Variants in TNIK observed in about 807,000 individuals in gnomAD.
The protein encoded by TNIK is TRAF2 and NCK interacting kinase.
Under a neutral mutation model 191.3 loss-of-function variants are expected in TNIK, and 49 were observed. The ratio of observed to expected loss-of-function variants is 0.26; its 90% CI spans 0.20 to 0.32. The LOEUF is 0.32. TNIK is among the 10% of genes least tolerant of loss of function. The pLI is 1.00. For synonymous variants in TNIK, 594 were observed against 600.9 expected (o/e 0.99, Z 0.17); for missense variants, 1,155 against 1,702.3 (o/e 0.68, Z 5.66).
rs1266361095 is a variant in TNIK, at chr3:171,063,693, C to T, written c.*188G>A. On this transcript the variant is annotated 3_prime_UTR_variant, in exon 33 of 33. Coordinates refer to ENST00000436636, the MANE Select transcript of TNIK (RefSeq NM_015028.4). ...GGAAATTCCTGCCACCTTTTTCTCT[C>T]CTTCTCAACCAGGCTGCAACATTGA... 1 of 514,384 alleles carries T rather than the reference C, an allele frequency of 1.9e-6. No individual in the cohort carries two copies. Among genetic ancestry groups the T allele is most frequent in the Non-Finnish European group, 3.4e-6 (1 of 296,246 alleles). The allele number at this position is 514,384 out of a possible 1,614,324, so 31.9% of individuals were successfully genotyped here.
intron 2 of TNIK, among the ~76,000 whole-genome samples, chr3:171,298,340 C>T (rs10155048): frequency 0.45 from 68,853 of 151,976 alleles, 16,293 homozygotes; most frequent in Non-Finnish European, 0.51. Flanking sequence ...ACTTTTTTTG[C>T]GAATATTCAC....
At chr3:171,067,672 CAAAAAAA>C (rs750331814) in intron 30 of TNIK, among the ~76,000 whole-genome samples, 3 of 78,696 alleles carry the variant, frequency 3.8e-5, no homozygotes, top group African/African-American at 8.9e-5. Context: ...ACTCCGTATC[CAAAAAAA>C]AAAAAAAAAA....
chr3:171,160,918 A>C (rs1733904770), intron 11 of TNIK, among the ~76,000 whole-genome samples: 1 of 152,210 alleles, frequency 6.6e-6, no homozygotes, highest in Admixed American at 6.5e-5. Flanking sequence ...AAGTCCGAAA[A>C]TACCACTTAG....
intron 12 of TNIK, among the ~76,000 whole-genome samples, chr3:171,149,303 A>C (rs953889698): frequency 6.6e-6 from 1 of 152,156 alleles, no homozygotes. Context: ...CTCTAGATAC[A>C]CCAAGGATCA....
intron 23 of TNIK, among the ~76,000 whole-genome samples, chr3:171,090,474 A>G (rs1721925316): frequency 8.1e-6 from 1 of 122,912 alleles, no homozygotes; most frequent in Non-Finnish European, 1.7e-5. Context: ...TCTTTTACTC[A>G]TTACTTGTAA....
intron 12 of TNIK, among the ~76,000 whole-genome samples, chr3:171,153,859 A>C (rs1406752677): frequency 2.6e-5 from 4 of 152,076 alleles, no homozygotes; most frequent in Non-Finnish European, 1.5e-5. Flanking sequence ...ACGCTCTTTT[A>C]GCATGCCACT....
intron 1 of TNIK, among the ~76,000 whole-genome samples, chr3:171,450,125 C>A (rs1013663764): frequency 2.0e-5 from 3 of 152,038 alleles, no homozygotes; most frequent in African/African-American, 7.2e-5. Context: ...GGCCCTGGAG[C>A]CCCAGGAGTC....
chr3:171,379,715 G>A (rs9862039), intron 1 of TNIK, among the ~76,000 whole-genome samples: 59,429 of 152,120 alleles, frequency 0.39, 13,425 homozygotes, highest in East Asian at 0.9. Context: ...AGTCTTTTAA[G>A]AAGCATACAT....
chr3:171,403,641 A>G (rs1016857998), intron 1 of TNIK, among the ~76,000 whole-genome samples: 123 of 151,166 alleles, frequency 8.1e-4, no homozygotes, highest in African/African-American at 2.8e-3. Context: ...AAAGAAAAGA[A>G]AAGGGGGTGA....
chr3:171,145,951 T>A (rs1450187932), intron 12 of TNIK, among the ~76,000 whole-genome samples: 1 of 152,218 alleles, frequency 6.6e-6, no homozygotes, highest in Non-Finnish European at 1.5e-5. Flanking sequence ...AGCTAACCAC[T>A]GCATTTATGC....
chr3:171,347,948 A>T (rs1246412021), intron 2 of TNIK, among the ~76,000 whole-genome samples: 1 of 152,198 alleles, frequency 6.6e-6, no homozygotes, highest in East Asian at 1.9e-4. Context: ...CTTACAAATG[A>T]GCTTGAAACC....
Position 171,085,091 on chromosome 3 carries a change from T to G in TNIK, c.2998+27A>C, listed in dbSNP as rs976429470. 6 of 1,568,514 alleles carry G rather than the reference T, an allele frequency of 3.8e-6. No homozygotes were observed. In the African/African-American group the frequency reaches 8.1e-5, roughly 21 times the overall value. On this transcript the variant is annotated intron_variant, in intron 25 of 32. Transcript: ENST00000436636. ...ACCAGAAAGGAAGACGAAGCTGTTT[T>G]TTAAACACAGGGCCCTTCTTGCTTA...
intron 1 of TNIK, among the ~76,000 whole-genome samples, chr3:171,449,226 C>T (rs1267864661): frequency 6.6e-6 from 1 of 151,788 alleles, no homozygotes; most frequent in African/African-American, 2.4e-5. Flanking sequence ...TGTGCATGTG[C>T]CTTTACAGTA....
intron 2 of TNIK, among the ~76,000 whole-genome samples, chr3:171,359,926 A>G (rs1714721085): frequency 6.6e-6 from 1 of 152,234 alleles, no homozygotes; most frequent in South Asian, 2.1e-4. Context: ...TGGTTTAATT[A>G]CTTGAAAGTG....
chr3:171,075,930 G>A (rs1274604494), intron 28 of TNIK, among the ~76,000 whole-genome samples: 1 of 151,982 alleles, frequency 6.6e-6, no homozygotes, highest in Non-Finnish European at 1.5e-5. Flanking sequence ...TAGAGACAGG[G>A]TTTCACTATG....
rs1195398558 is a variant in TNIK, at chr3:171,312,776, T to C, written c.123+56844A>G. Among the ~76,000 whole-genome samples, 12 of 152,330 alleles carry C rather than the reference T, an allele frequency of 7.9e-5. No individual in the cohort carries two copies. In the East Asian group the frequency reaches 1.9e-3, roughly 24 times the overall value. On this transcript the variant is annotated intron_variant, in intron 2 of 32. Transcript: ENST00000436636. ...CAGTTTATTCATTCATGGCCTTACC[T>C]GTGTGTCTCTGACAATATTACTACT...
intron 12 of TNIK, among the ~76,000 whole-genome samples, chr3:171,143,135 C>T (rs146794476): frequency 2.0e-5 from 3 of 152,290 alleles, no homozygotes; most frequent in South Asian, 2.1e-4. Flanking sequence ...GATCAGCAGC[C>T]GCTAACACAT....
intron 2 of TNIK, among the ~76,000 whole-genome samples, chr3:171,264,414 G>A (rs1220429212): frequency 1.3e-5 from 2 of 152,016 alleles, no homozygotes; most frequent in Non-Finnish European, 2.9e-5. Context: ...GAGTGCAATG[G>A]TGCTATCTCG....
At chr3:171,340,706 G>A (rs932439665) in intron 2 of TNIK, among the ~76,000 whole-genome samples, 7 of 152,188 alleles carry the variant, frequency 4.6e-5, no homozygotes, top group Non-Finnish European at 7.4e-5. Context: ...TACCACAAAT[G>A]CCTATGGAGC....
Sources: gnomAD v4.1 joint callset for allele counts (sites outside exome capture counted in the v4.1 genomes callset) on GRCh38, gnomAD v4.1.1 for gene constraint, MANE v1.5 for transcripts, NCBI Gene and HGNC (gene_info 2026-07-23, HGNC 2026-07-21) for gene names.